B9D1: variants seen among roughly 807,000 people sequenced by gnomAD.
B9D1 encodes B9 domain-containing protein 1.
Under a neutral mutation model 26.1 loss-of-function variants are expected in B9D1, and 20 were observed. The observed-to-expected ratio is 0.77, with a 90% CI of 0.54 to 1.12. B9D1 has a LOEUF of 1.12. B9D1 is among the 50% of genes most tolerant of loss of function. B9D1 has a pLI of 0.00. For missense variants in B9D1, 260 were observed against 273.7 expected (o/e 0.95, Z 0.35); for synonymous variants, 105 against 103.1 (o/e 1.02, Z -0.11).
At chr17:19,369,186 C>T (rs1911753973) in intron 1 of B9D1, among the ~76,000 whole-genome samples, 1 of 152,132 alleles carries the variant, frequency 6.6e-6, no homozygotes, top group African/African-American at 2.4e-5. Flanking sequence ...CAGGAGAAGA[C>T]ATTGGAGCAA....
At chr17:19,363,996 C>T (rs1911437018), upstream of B9D1, among the ~76,000 whole-genome samples, 1 of 152,218 alleles carries the variant, frequency 6.6e-6, no homozygotes, top group African/African-American at 2.4e-5. Flanking sequence ...GGGGGTCATA[C>T]TCCCTTCTTC....
downstream of B9D1, among the ~76,000 whole-genome samples, chr17:19,341,889 C>T (rs762260009): frequency 4.6e-5 from 7 of 152,022 alleles, no homozygotes; most frequent in African/African-American, 1.2e-4. Context: ...TGATGGTTGG[C>T]GAAAAGGGGC....
At chr17:19,353,242 G>T (rs1380387723) in intron 3 of B9D1, among the ~76,000 whole-genome samples, 1 of 151,964 alleles carries the variant, frequency 6.6e-6, no homozygotes, top group Non-Finnish European at 1.5e-5. Flanking sequence ...CCAAAATGCT[G>T]GGATTATAGG....
At chr17:19,337,684 C>G, downstream of B9D1, 3 of 1,529,750 alleles carry the variant, frequency 2.0e-6, no homozygotes, top group Non-Finnish European at 2.6e-6. Flanking sequence ...AAGTCAGTGA[C>G]TCAGGGACTC....
At chr17:19,368,891 G>A (rs6587075) in intron 1 of B9D1, among the ~76,000 whole-genome samples, 147,323 of 152,258 alleles carry the variant, frequency 0.97, 71,539 homozygotes, top group African/African-American at 0.99. Flanking sequence ...GATGCAGTGA[G>A]CTGATGGCGC....
intron 1 of B9D1, among the ~76,000 whole-genome samples, chr17:19,361,610 T>C (rs934705570): frequency 6.6e-6 from 1 of 152,048 alleles, no homozygotes; most frequent in African/African-American, 2.4e-5. Flanking sequence ...GGCACTAGGC[T>C]AAGGCAGAGG....
intron 1 of B9D1, chr17:19,371,366 T>C (rs1210098309): frequency 6.6e-6 from 1 of 152,274 alleles, no homozygotes; most frequent in East Asian, 1.9e-4. Context: ...AACGTGTGTG[T>C]ATAGGCGCCT....
chr17:19,351,937 G>A (rs767350925), intron 3 of B9D1, among the ~76,000 whole-genome samples: 3 of 152,078 alleles, frequency 2.0e-5, no homozygotes, highest in Non-Finnish European at 4.4e-5. Flanking sequence ...CCAGGCTGGA[G>A]TGCAGTAGCA....
intron 1 of B9D1, among the ~76,000 whole-genome samples, chr17:19,369,820 CG>C (rs1446602844): frequency 6.6e-6 from 1 of 152,196 alleles, no homozygotes; most frequent in Non-Finnish European, 1.5e-5. Context: ...TGGAGATTCA[CG>C]ATTGCTTCTG....
At chr17:19,342,956 A>C, downstream of B9D1, 2 of 490,324 alleles carry the variant, frequency 4.1e-6, no homozygotes, top group Non-Finnish European at 3.0e-6. Context: ...GTGTTGCGGT[A>C]TAGAAAAGGC....
At position 19,362,565 on chromosome 17, in the gene B9D1, G is replaced by A. The variant is rs1911260065; in HGVS notation, c.5C>T (p.Ala2Val). ...TAGAAAGACGCTAGGACTCGCGGTC[G>A]CCATGGCAGGTCTGGGGGTGCCGGG... The part of the protein sequence containing the change: M[A>V]TASPSVFLLM... Residue 2 changes from alanine to valine, a missense_variant, in exon 1 of 7, where the codon GCG becomes GTG. Transcript: ENST00000261499. 1.3e-6 allele frequency: 2 copies of A among 1,588,642 alleles called. No individual in the cohort carries two copies. The highest frequency in any genetic ancestry group is 1.7e-6 in the Non-Finnish European group (2 of 1,167,358).
chr17:19,336,473 C>T (rs1279850787), downstream of B9D1: 3 of 152,768 alleles, frequency 2.0e-5, no homozygotes, highest in East Asian at 5.8e-4. Flanking sequence ...AGCCCCCTGC[C>T]CCATCTTCTG....
At chr17:19,373,284 AC>A (rs1911977335) in intron 1 of B9D1, among the ~76,000 whole-genome samples, 1 of 151,698 alleles carries the variant, frequency 6.6e-6, no homozygotes, top group Non-Finnish European at 1.5e-5. Flanking sequence ...GCACATCAGC[AC>A]CCCCCAACCT....
Position 19,370,729 on chromosome 17 carries a change from C to T in B9D1, c.-298+7130G>A, listed in dbSNP as rs945607646. Among the ~76,000 whole-genome samples the T allele has an allele frequency of 2.0e-5, 3 of 152,164 alleles. No individual in the cohort carries two copies. Among genetic ancestry groups the T allele is most frequent in the African/African-American group, 4.8e-5 (2 of 41,440 alleles). On this transcript the variant is annotated intron_variant, in intron 1 of 5. Transcript: ENST00000477478. The surrounding 1 kb of genome is among the most constrained non-coding windows in gnomAD (Gnocchi z 5.1). Reference sequence around the variant, plus strand: ...GGAGCCATCTGGCCGTGAGGTCAGCCACCCAGCCAGGCCTCTGGAAGCCAT... The same window carrying T: ...GGAGCCATCTGGCCGTGAGGTCAGCTACCCAGCCAGGCCTCTGGAAGCCAT...
At chr17:19,344,530 G>A (rs896890372) in intron 5 of B9D1, 8 of 272,160 alleles carry the variant, frequency 2.9e-5, no homozygotes, top group South Asian at 5.8e-5. Context: ...CACGCGAGCC[G>A]GAAACAACCA....
downstream of B9D1, among the ~76,000 whole-genome samples, chr17:19,342,573 C>T (rs1252431318): frequency 6.6e-6 from 1 of 152,106 alleles, no homozygotes; most frequent in African/African-American, 2.4e-5. Flanking sequence ...GGGTCAGGGC[C>T]TCCCAAAGTA....
intron 3 of B9D1, among the ~76,000 whole-genome samples, chr17:19,349,445 G>A (rs1312780571): frequency 6.6e-6 from 1 of 151,622 alleles, no homozygotes; most frequent in Non-Finnish European, 1.5e-5. Context: ...GAGTGCAGTG[G>A]TGCAATCATG....
chr17:19,335,499 A>T (rs895861305), downstream of B9D1: 401 of 1,542,380 alleles, frequency 2.6e-4, 1 homozygote, highest in Non-Finnish European at 1.0e-4. Flanking sequence ...CTCTGTCTTA[A>T]TCCACGCTCA....
rs7502770 is a variant in B9D1 at position 19,372,906 on chromosome 17, T to C, written c.-298+4953A>G. 0.89 allele frequency among the ~76,000 whole-genome samples: 135,490 copies of C among 152,202 alleles called. 61,398 individuals carry two copies. The highest frequency in any genetic ancestry group is 0.99 in the Non-Finnish European group (67,186 of 68,030). ...CTTGCGGCAGAGGGGTGCGAACAGT[T>C]GGGCACATCTATTATTTCTGCTGAC... On this transcript the variant is annotated intron_variant, in intron 1 of 5. Coordinates refer to the B9D1 transcript ENST00000477478. This position sits in a 1 kb window ranked among gnomAD's most constrained non-coding sequence, Gnocchi z 4.4.
Sources: gnomAD v4.1 joint callset for allele counts (sites outside exome capture counted in the v4.1 genomes callset) on GRCh38, gnomAD v4.1.1 for gene constraint, Gnocchi (gnomAD v3.1) non-coding constraint, MANE v1.5 for transcripts, NCBI Gene and HGNC (gene_info 2026-07-23, HGNC 2026-07-21) for gene names.